SYNPR: variants seen among roughly 807,000 people sequenced by gnomAD.
The protein encoded by SYNPR is synaptoporin.
A neutral mutation model predicts 32.9 loss-of-function variants in SYNPR; 23 were observed. That is an observed-to-expected ratio of 0.70 (90% CI 0.50 to 0.99). SYNPR has a LOEUF of 0.99. Ranked by LOEUF, SYNPR falls within the 50% of genes least tolerant of loss-of-function variation. SYNPR has a pLI of 0.00. For synonymous variants in SYNPR, 146 were observed against 135.9 expected, an observed-to-expected ratio of 1.07 and a Z score of -0.52; for missense variants, 318 against 349.3, an observed-to-expected ratio of 0.91 and a Z score of 0.71.
chr3:63,210,677 A>C, the SYNPR span, among the ~76,000 whole-genome samples: 1 of 152,212 alleles, frequency 6.6e-6, no homozygotes, highest in Non-Finnish European at 1.5e-5. Context: ...AGAAGTAAAA[A>C]CACCTGGTAA....
the SYNPR span, among the ~76,000 whole-genome samples, chr3:63,204,361 A>G: frequency 1.3e-5 from 2 of 151,912 alleles, no homozygotes; most frequent in Non-Finnish European, 2.9e-5. Flanking sequence ...CTCTCCCTAC[A>G]TCTTCATGTG....
At chr3:63,270,771 A>C (rs1386356705) in intron 3 of SYNPR, among the ~76,000 whole-genome samples, 1 of 152,196 alleles carries the variant, frequency 6.6e-6, no homozygotes, top group African/African-American at 2.4e-5. Context: ...AGTGCCTGGC[A>C]TGTAGTAAAT....
chr3:63,463,815 C>A (rs1700630972), intron 2 of SYNPR, among the ~76,000 whole-genome samples: 1 of 152,188 alleles, frequency 6.6e-6, no homozygotes, highest in South Asian at 2.1e-4. Flanking sequence ...TTCTCCCAAA[C>A]AAGTTCATCT....
chr3:63,583,652 C>T (rs1383469798), intron 4 of SYNPR, among the ~76,000 whole-genome samples: 1 of 152,032 alleles, frequency 6.6e-6, no homozygotes. Flanking sequence ...AAACAGTAAT[C>T]AGGCATATTA....
intron 2 of SYNPR, among the ~76,000 whole-genome samples, chr3:63,459,369 T>A (rs1700541500): frequency 6.6e-6 from 1 of 152,100 alleles, no homozygotes; most frequent in African/African-American, 2.4e-5. Context: ...AGACCACATT[T>A]CCTTCTGCAC....
chr3:63,397,856 CTT>C (rs2088237339), intron 2 of SYNPR, among the ~76,000 whole-genome samples: 1 of 152,168 alleles, frequency 6.6e-6, no homozygotes, highest in Non-Finnish European at 1.5e-5. Context: ...ATTCTCTTAT[CTT>C]TTGGGGCCTA....
chr3:63,561,818 C>A (rs1702695235), intron 4 of SYNPR, among the ~76,000 whole-genome samples: 1 of 152,144 alleles, frequency 6.6e-6, no homozygotes, highest in Non-Finnish European at 1.5e-5. Flanking sequence ...CATTTCCAAG[C>A]AGTTGTGAGC....
intron 5 of SYNPR, among the ~76,000 whole-genome samples, chr3:63,613,414 G>A (rs1232000616): frequency 5.9e-5 from 9 of 151,670 alleles, no homozygotes; most frequent in African/African-American, 2.2e-4. Context: ...AGGTAGCCTA[G>A]AGCATGGCAC....
chr3:63,297,886 T>C (rs748945765), intron 2 of SYNPR, among the ~76,000 whole-genome samples: 1 of 152,080 alleles, frequency 6.6e-6, no homozygotes, highest in Non-Finnish European at 1.5e-5. Context: ...GTTGCCAGAA[T>C]GTGAAAGTCT....
chr3:63,567,320 A>G (rs560353174), intron 4 of SYNPR, among the ~76,000 whole-genome samples: 3 of 152,174 alleles, frequency 2.0e-5, no homozygotes, highest in Admixed American at 1.3e-4. Context: ...AAAAAAGTGG[A>G]AGGGTGTAAA....
intron 2 of SYNPR, among the ~76,000 whole-genome samples, chr3:63,365,485 G>A (rs966677223): frequency 6.6e-6 from 1 of 152,154 alleles, no homozygotes; most frequent in East Asian, 1.9e-4. Flanking sequence ...GTTCGCATAA[G>A]AAGTTTAATT....
intron 3 of SYNPR, among the ~76,000 whole-genome samples, chr3:63,543,608 T>C (rs1702345617): frequency 6.6e-6 from 1 of 152,148 alleles, no homozygotes; most frequent in African/African-American, 2.4e-5. Flanking sequence ...TTGACCCTTC[T>C]ATGACTAGAT....
At chr3:63,403,279 G>A (rs1341784846) in intron 2 of SYNPR, among the ~76,000 whole-genome samples, 3 of 152,000 alleles carry the variant, frequency 2.0e-5, no homozygotes, top group Non-Finnish European at 4.4e-5. Flanking sequence ...CCTAAATATT[G>A]CATAAATGGA....
intron 4 of SYNPR, among the ~76,000 whole-genome samples, chr3:63,595,861 T>TTA (rs1397922235): frequency 1.4e-5 from 1 of 69,124 alleles, no homozygotes; most frequent in Non-Finnish European, 2.7e-5. Context: ...ATATATATAG[T>TTA]TATATATATA....
chr3:63,418,134 A>G (rs1027547521), intron 2 of SYNPR, among the ~76,000 whole-genome samples: 5 of 152,200 alleles, frequency 3.3e-5, no homozygotes, highest in Admixed American at 6.5e-5. Context: ...CACCTCTTGA[A>G]TGCTTTGCCA....
At chr3:63,239,835 A>G (rs1336417395) in intron 1 of SYNPR, among the ~76,000 whole-genome samples, 1 of 151,174 alleles carries the variant, frequency 6.6e-6, no homozygotes, top group East Asian at 2.0e-4. Context: ...CCACCTTACC[A>G]TTGTCATCTA....
chr3:63,379,860 C>A (rs2087943828), intron 2 of SYNPR, among the ~76,000 whole-genome samples: 1 of 151,966 alleles, frequency 6.6e-6, no homozygotes, highest in African/African-American at 2.4e-5. Flanking sequence ...ACAAAAGGCC[C>A]CGGTGTGTGA....
chr3:63,458,569 C>G (rs1453628767), intron 2 of SYNPR, among the ~76,000 whole-genome samples: 1 of 152,172 alleles, frequency 6.6e-6, no homozygotes, highest in Non-Finnish European at 1.5e-5. Context: ...AGATCTCTTA[C>G]AGCTTAGGCT....
intron 3 of SYNPR, among the ~76,000 whole-genome samples, chr3:63,544,426 A>G (rs1702364348): frequency 6.6e-6 from 1 of 152,132 alleles, no homozygotes; most frequent in South Asian, 2.1e-4. Context: ...CCGACAGGAT[A>G]ATACCTTTTC....
Sources: gnomAD v4.1 joint callset for allele counts (sites outside exome capture counted in the v4.1 genomes callset) on GRCh38, gnomAD v4.1.1 for gene constraint, MANE v1.5 for transcripts, NCBI Gene and HGNC (gene_info 2026-07-23, HGNC 2026-07-21) for gene names.